ATP10D: variants seen among roughly 807,000 people sequenced by gnomAD.
ATP10D encodes ATPase phospholipid transporting 10D (putative).
ATP10D carries 89 observed loss-of-function variants against 144.8 expected under a neutral mutation model. The observed-to-expected ratio is 0.61, with a 90% CI of 0.52 to 0.73. The LOEUF is 0.73. Among genes scored for constraint, ATP10D ranks in the 30% least tolerant of loss-of-function variants. ATP10D has a pLI of 0.00. For missense variants in ATP10D, 1,603 were observed against 1,714.8 expected (o/e 0.93, Z 1.15); for synonymous variants, 571 against 615.1 (o/e 0.93, Z 1.06).
At chr4:47,517,048 C>A (rs1716727363) in intron 3 of ATP10D, among the ~76,000 whole-genome samples, 2 of 152,032 alleles carry the variant, frequency 1.3e-5, no homozygotes, top group Non-Finnish European at 2.9e-5. Flanking sequence ...TTAAGATTAC[C>A]CAGTGAATGT....
chr4:47,510,169 T>TTCTCCTCAG (rs1716248031), intron 1 of ATP10D, among the ~76,000 whole-genome samples: 1 of 152,110 alleles, frequency 6.6e-6, no homozygotes, highest in African/African-American at 2.4e-5. Flanking sequence ...GCCTAGGCTT[T>TTCTCCTCAG]TCTCCTCAGT....
chr4:47,559,017 T>G lies in ATP10D; in HGVS notation c.2529T>G (p.Cys843Trp), dbSNP rs1719138490. 1 of 1,613,784 alleles carries G rather than the reference T, an allele frequency of 6.2e-7. No homozygotes were observed. Among genetic ancestry groups the G allele is most frequent in the Non-Finnish European group, 8.5e-7 (1 of 1,179,704 alleles). ...CCAAACAAGGCCTTCGTACTTTATG[T>G]ATAGCAAAGAAGGTGAGACTGCTTA... is the stretch of plus-strand genomic sequence containing the variant. ...DYAKQGLRTLCIAKKVMSDTE... is the reference protein window; with the variant it reads ...DYAKQGLRTLWIAKKVMSDTE... The change falls in exon 13 of 23, where the codon TGT becomes TGG. Residue 843 changes from cysteine to tryptophan, a missense_variant. Physicochemically the swap from Cys to Trp is radical, Grantham distance 215. Coordinates refer to ENST00000273859, the MANE Select transcript of ATP10D (RefSeq NM_020453.4).
chr4:47,590,273 G>A (rs2109485191), intron 22 of ATP10D, among the ~76,000 whole-genome samples: 1 of 152,236 alleles, frequency 6.6e-6, no homozygotes, highest in South Asian at 2.1e-4. Context: ...AGAGGAAAGA[G>A]ACTGAAGGGA....
chr4:47,540,391 C>T (rs1054246563), intron 9 of ATP10D, among the ~76,000 whole-genome samples: 1 of 152,150 alleles, frequency 6.6e-6, no homozygotes, highest in Non-Finnish European at 1.5e-5. Context: ...GCATCAGCAA[C>T]ACCCGGGCAT....
intron 3 of ATP10D, among the ~76,000 whole-genome samples, chr4:47,517,330 C>T (rs988313228): frequency 2.6e-5 from 4 of 152,068 alleles, no homozygotes; most frequent in Non-Finnish European, 4.4e-5. Context: ...GTGGGAGGAT[C>T]GCCTGAGCCC....
chr4:47,561,484 T>C (rs189487833), intron 14 of ATP10D, among the ~76,000 whole-genome samples: 39 of 152,220 alleles, frequency 2.6e-4, no homozygotes, highest in Admixed American at 2.4e-3. Flanking sequence ...TAGAGGAAAT[T>C]TGGGGCACAG....
intron 1 of ATP10D, among the ~76,000 whole-genome samples, chr4:47,487,099 C>A (rs1380307160): frequency 6.6e-6 from 1 of 151,982 alleles, no homozygotes; most frequent in Non-Finnish European, 1.5e-5. Context: ...CGTGGTGGTG[C>A]ATGCCTGTAA....
At chr4:47,569,962 A>T (rs566869863) in intron 16 of ATP10D, among the ~76,000 whole-genome samples, 3 of 152,332 alleles carry the variant, frequency 2.0e-5, no homozygotes, top group African/African-American at 7.2e-5. Context: ...GGGTTATTAA[A>T]GGCCAGAGAA....
intron 1 of ATP10D, among the ~76,000 whole-genome samples, chr4:47,486,623 C>G (rs778438525): frequency 6.6e-6 from 1 of 152,194 alleles, no homozygotes; most frequent in Non-Finnish European, 1.5e-5. Context: ...ACCTCCCACT[C>G]CGATCCACCT....
At chr4:47,565,623 ATTGT>A (rs1212767397) in intron 15 of ATP10D, among the ~76,000 whole-genome samples, 2 of 152,128 alleles carry the variant, frequency 1.3e-5, no homozygotes, top group Non-Finnish European at 2.9e-5. Context: ...AAAAATATAA[ATTGT>A]TTAATGCGGT....
intron 19 of ATP10D, among the ~76,000 whole-genome samples, chr4:47,577,325 C>G (rs1216143824): frequency 6.6e-6 from 1 of 152,096 alleles, no homozygotes; most frequent in Non-Finnish European, 1.5e-5. Flanking sequence ...AGTGTTGGTC[C>G]CATTCTAAGA....
chr4:47,584,699 G>A (rs1720696635), intron 21 of ATP10D, among the ~76,000 whole-genome samples: 1 of 152,056 alleles, frequency 6.6e-6, no homozygotes, highest in African/African-American at 2.4e-5. Flanking sequence ...CCTGGCCAAA[G>A]CATGTTTTAA....
chr4:47,566,003 A>G (rs538833036), intron 15 of ATP10D, among the ~76,000 whole-genome samples: 1 of 152,350 alleles, frequency 6.6e-6, no homozygotes, highest in South Asian at 2.1e-4. Context: ...GGGCTCAGTC[A>G]CTAGTATTTA....
At chr4:47,545,723 A>C (rs1374167845) in intron 9 of ATP10D, among the ~76,000 whole-genome samples, 1 of 152,248 alleles carries the variant, frequency 6.6e-6, no homozygotes, top group Non-Finnish European at 1.5e-5. Context: ...TCATATTGGC[A>C]AAACAGACAG....
At chr4:47,543,712 C>A (rs958418859) in intron 9 of ATP10D, among the ~76,000 whole-genome samples, 5 of 152,230 alleles carry the variant, frequency 3.3e-5, no homozygotes, top group Non-Finnish European at 5.9e-5. Context: ...GCTGTTTAAT[C>A]ATGGTTGAAC....
chr4:47,523,708 T>A (rs983243169), intron 4 of ATP10D, among the ~76,000 whole-genome samples: 2 of 152,228 alleles, frequency 1.3e-5, no homozygotes, highest in African/African-American at 4.8e-5. Context: ...GGACAAGTCA[T>A]TTAAACACTT....
chr4:47,557,103 T>C lies in ATP10D; in HGVS notation c.1825-561T>C, dbSNP rs556602648. ...TTATTACTTGTTACTTTTTTTATAC[T>C]AGTCTCATAGCTTTTTCAGTATTGC... On this transcript the variant is annotated intron_variant, in intron 11 of 22. Transcript: ENST00000273859. 525 of 152,274 alleles carry C rather than the reference T, an allele frequency of 3.4e-3. 6 individuals carry two copies. The highest frequency in any genetic ancestry group is 0.012 in the African/African-American group (485 of 41,586). 9.4% of individuals were successfully genotyped at this position (152,274 alleles called of 1,614,324 possible).
At chr4:47,525,450 G>T in intron 4 of ATP10D, 107 bp from the exon 5 acceptor site, 1 of 779,996 alleles carries the variant, frequency 1.3e-6, no homozygotes, top group South Asian at 1.7e-5. Flanking sequence ...GAACTTCATT[G>T]CAAAAAGGCT....
intron 14 of ATP10D, 97 bp from the exon 15 acceptor site, chr4:47,563,476 GTGTAGGGT>G: frequency 9.5e-7 from 1 of 1,053,236 alleles, no homozygotes; most frequent in Non-Finnish European, 1.4e-6. Context: ...AGTTTATGTA[GTGTAGGGT>G]TGAGTTGGCT....
Sources: gnomAD v4.1 joint callset for allele counts (sites outside exome capture counted in the v4.1 genomes callset) on GRCh38, gnomAD v4.1.1 for gene constraint, MANE v1.5 for transcripts, NCBI Gene and HGNC (gene_info 2026-07-23, HGNC 2026-07-21) for gene names.